The following KCNQ3 variants were observed in gnomAD, a reference collection of about 807,000 sequenced individuals.
KCNQ3 encodes the protein potassium voltage-gated channel subfamily Q member 3.
A neutral mutation model predicts 92.5 loss-of-function variants in KCNQ3; 30 were observed. The observed-to-expected ratio is 0.32, with a 90% CI of 0.24 to 0.44. The LOEUF is 0.44. Among genes scored for constraint, KCNQ3 ranks in the 20% least tolerant of loss-of-function variants. The probability of loss-of-function intolerance (pLI) is 1.00; values close to 1 mark genes in which losing one functional copy is unlikely to be tolerated. For missense variants in KCNQ3, 913 were observed against 1,140.3 expected, an observed-to-expected ratio of 0.80 and a Z score of 2.87; for synonymous variants, 450 against 468.8, an observed-to-expected ratio of 0.96 and a Z score of 0.52.
chr8:132,358,581 G>GA (rs1051142118), intron 1 of KCNQ3, among the ~76,000 whole-genome samples: 3 of 151,866 alleles, frequency 2.0e-5, no homozygotes, highest in African/African-American at 7.3e-5. Context: ...GTTTGATTCA[G>GA]AAAAAAAATA....
At chr8:132,242,950 C>A (rs1297127725) in intron 1 of KCNQ3, among the ~76,000 whole-genome samples, 1 of 152,158 alleles carries the variant, frequency 6.6e-6, no homozygotes, top group Admixed American at 6.5e-5. Flanking sequence ...GACAGAGAGG[C>A]TACCTCTGTT....
chr8:132,477,812 G>A (rs989709398), intron 1 of KCNQ3, among the ~76,000 whole-genome samples: 11 of 152,268 alleles, frequency 7.2e-5, no homozygotes, highest in Admixed American at 3.9e-4. Context: ...CATTAACAAT[G>A]GGGAAAGGGG....
chr8:132,244,920 CAAAAAAA>C (rs35215337), intron 1 of KCNQ3, among the ~76,000 whole-genome samples: 5 of 112,376 alleles, frequency 4.4e-5, no homozygotes, highest in Admixed American at 3.7e-4. Context: ...CTCACTTGAC[CAAAAAAA>C]AAAAAAAAAA....
At chr8:132,423,925 C>T (rs10505596) in intron 1 of KCNQ3, among the ~76,000 whole-genome samples, 7,053 of 152,218 alleles carry the variant, frequency 0.046, 178 homozygotes, top group Middle Eastern at 0.068. Flanking sequence ...TAACCACATC[C>T]TGAGCACAAC....
intron 1 of KCNQ3, among the ~76,000 whole-genome samples, chr8:132,385,289 A>G (rs886185314): frequency 4.6e-5 from 7 of 152,268 alleles, no homozygotes; most frequent in Middle Eastern, 3.4e-3. Context: ...CTTCCCTTCT[A>G]CAGTTGCCAA....
At chr8:132,154,192 A>ATTTTTTTTTTTTTTTTTTTTTTTTTTTT (rs1563775830) in intron 9 of KCNQ3, among the ~76,000 whole-genome samples, 1 of 104,472 alleles carries the variant, frequency 9.6e-6, no homozygotes, top group South Asian at 4.7e-4. Context: ...AAAGGGTAAA[A>ATTTTTTTTTTTTTTTTTTTTTTTTTTTT]GTTTTTTTTT....
Position 132,122,291 on chromosome 8 carries a change from G to C in KCNQ3, c.*6971C>G, listed in dbSNP as rs1375532294. The C allele has an allele frequency of 6.6e-6, 1 of 152,208 alleles. No individual in the cohort carries two copies. Among genetic ancestry groups the C allele is most frequent in the Non-Finnish European group, 1.5e-5 (1 of 68,034 alleles). The allele number at this position is 152,208 out of a possible 1,614,324, so 9.4% of individuals were successfully genotyped here. ...TTTAGAGAGAGCTATCATGTCACAA[G>C]CAACTCATAAGGAGTGCTTAGGATA... On this transcript the variant is annotated 3_prime_UTR_variant, in exon 15 of 15. Transcript: ENST00000388996.
Position 132,480,461 on chromosome 8 carries a change from C to CT in KCNQ3, c.71_72insA (p.Ala25GlyfsTer3). On this transcript the variant is annotated frameshift_variant, in exon 1 of 15. Coordinates refer to ENST00000388996, the MANE Select transcript of KCNQ3 (RefSeq NM_004519.4). LOFTEE classifies it high-confidence loss of function. ...CGTCCCCTCCGGCTGGGTTAGCCGCCCCGCCGCCTCCGCCGCCCCCGTCGC... is the reference window on the plus strand; with the variant it reads ...CGTCCCCTCCGGCTGGGTTAGCCGCCTCCGCCGCCTCCGCCGCCCCCGTCGC... 1 of 1,274,506 alleles carries CT rather than the reference C, an allele frequency of 7.8e-7. No homozygotes were observed. Among genetic ancestry groups the CT allele is most frequent in the Non-Finnish European group, 9.9e-7 (1 of 1,014,718 alleles). The allele number at this position is 1,274,506 out of a possible 1,614,324, so 78.9% of individuals were successfully genotyped here.
At chr8:132,341,845 A>G (rs1277046907) in intron 1 of KCNQ3, among the ~76,000 whole-genome samples, 1 of 152,212 alleles carries the variant, frequency 6.6e-6, no homozygotes, top group East Asian at 1.9e-4. Flanking sequence ...GCATCCATGC[A>G]GTTTTTACCT....
At chr8:132,390,898 C>T (rs1820033119) in intron 1 of KCNQ3, among the ~76,000 whole-genome samples, 1 of 152,186 alleles carries the variant, frequency 6.6e-6, no homozygotes, top group African/African-American at 2.4e-5. Context: ...AAATATTTAG[C>T]AAACACTTTC....
intron 1 of KCNQ3, among the ~76,000 whole-genome samples, chr8:132,386,268 G>A (rs1819889292): frequency 1.3e-5 from 2 of 151,674 alleles, no homozygotes; most frequent in South Asian, 4.2e-4. Flanking sequence ...ATAAAGTAAG[G>A]TTTCAATGGA....
intron 1 of KCNQ3, among the ~76,000 whole-genome samples, chr8:132,292,044 A>G (rs1487356346): frequency 1.3e-5 from 2 of 152,214 alleles, no homozygotes; most frequent in Non-Finnish European, 2.9e-5. Flanking sequence ...TTGCCCACAC[A>G]TTTAAGAGTT....
At chr8:132,140,487 C>A in intron 10 of KCNQ3, 1 of 370,354 alleles carries the variant, frequency 2.7e-6, no homozygotes, top group South Asian at 3.3e-5. Flanking sequence ...CAGAAGCCAG[C>A]AAAGGACACA....
chr8:132,423,538 C>T (rs1821027103), intron 1 of KCNQ3, among the ~76,000 whole-genome samples: 1 of 152,210 alleles, frequency 6.6e-6, no homozygotes, highest in Non-Finnish European at 1.5e-5. Flanking sequence ...TACTTAACCT[C>T]CCCATGGGGC....
intron 1 of KCNQ3, among the ~76,000 whole-genome samples, chr8:132,445,139 G>A (rs1028844810): frequency 1.3e-5 from 2 of 152,182 alleles, no homozygotes; most frequent in Non-Finnish European, 2.9e-5. Flanking sequence ...AGGACCAACT[G>A]GTGTCATGAA....
chr8:132,438,325 T>C (rs1266651766), intron 1 of KCNQ3, among the ~76,000 whole-genome samples: 2 of 152,210 alleles, frequency 1.3e-5, no homozygotes, highest in Non-Finnish European at 2.9e-5. Flanking sequence ...TCCTTGGAGC[T>C]CCTGGGCTGC....
chr8:132,226,794 G>T (rs756753618), intron 1 of KCNQ3, among the ~76,000 whole-genome samples: 6 of 152,132 alleles, frequency 3.9e-5, no homozygotes, highest in Non-Finnish European at 8.8e-5. Flanking sequence ...ACATGGCCTG[G>T]CTGGGGAGGA....
chr8:132,350,290 G>C (rs1034310821), intron 1 of KCNQ3, among the ~76,000 whole-genome samples: 3 of 152,150 alleles, frequency 2.0e-5, no homozygotes, highest in Non-Finnish European at 4.4e-5. Context: ...ATGGTGGGGA[G>C]GGGCTAGGAG....
chr8:132,154,192 AGTTTTTTTTTTTT>A lies in KCNQ3; in HGVS notation c.1262+9263_1262+9275del, dbSNP rs1471242485. Among the ~76,000 whole-genome samples, 13 of 104,472 alleles carry A rather than the reference AGTTTTTTTTTTTT, an allele frequency of 1.2e-4. 2 individuals carry two copies. Among genetic ancestry groups the A allele is most frequent in the African/African-American group, 2.6e-4 (8 of 30,284 alleles). 68.5% of individuals were successfully genotyped at this position (104,472 alleles called of 152,430 possible). ...CCTGATGTACCATCAAAAGGGTAAAAGTTTTTTTTTTTTTTTTTTTTTTTTTTTTTTAGCCAAT... is the reference window on the plus strand; with the variant it reads ...CCTGATGTACCATCAAAAGGGTAAAATTTTTTTTTTTTTTTTTTAGCCAAT... On this transcript the variant is annotated intron_variant, in intron 9 of 14. Coordinates refer to ENST00000388996, the MANE Select transcript of KCNQ3 (RefSeq NM_004519.4).
Sources: allele counts gnomAD v4.1 joint callset (sites outside exome capture counted in the v4.1 genomes callset), GRCh38; gene constraint gnomAD v4.1.1; transcripts MANE v1.5; gene names NCBI Gene and HGNC (gene_info 2026-07-23, HGNC 2026-07-21).